PTPRM: variants seen among roughly 807,000 people sequenced by gnomAD.
PTPRM encodes the protein receptor-type tyrosine-protein phosphatase mu.
A neutral mutation model predicts 186.7 loss-of-function variants in PTPRM; 47 were observed. That is an observed-to-expected ratio of 0.25 (90% confidence interval 0.20 to 0.32). PTPRM has a LOEUF of 0.32. PTPRM is among the 10% of genes least tolerant of loss of function. PTPRM has a pLI of 1.00. For synonymous variants in PTPRM, 668 were observed against 674.9 expected (o/e 0.99, Z 0.16); for missense variants, 1,494 against 1,865.0 (o/e 0.80, Z 3.66).
intron 19 of PTPRM, among the ~76,000 whole-genome samples, chr18:8,262,998 G>A (rs2094650812): frequency 6.6e-6 from 1 of 152,184 alleles, no homozygotes; most frequent in Admixed American, 6.5e-5. Context: ...CAGAAAAACT[G>A]TATGGACCAA....
intron 19 of PTPRM, among the ~76,000 whole-genome samples, chr18:8,271,770 C>T (rs1351046113): frequency 2.0e-5 from 3 of 152,004 alleles, no homozygotes; most frequent in Admixed American, 1.3e-4. Context: ...TAGAGGCATA[C>T]ATTTCTTAAT....
chr18:7,842,861 C>CAT (rs57856136), intron 2 of PTPRM, among the ~76,000 whole-genome samples: 8,291 of 80,830 alleles, frequency 0.1, 896 homozygotes, highest in African/African-American at 0.28. Context: ...GAGAGAGAAA[C>CAT]ATATATATAT....
intron 14 of PTPRM, among the ~76,000 whole-genome samples, chr18:8,161,182 A>T (rs1481835242): frequency 6.6e-6 from 1 of 152,340 alleles, no homozygotes; most frequent in African/African-American, 2.4e-5. Flanking sequence ...GGAAGCTGTC[A>T]TGCAGGAGTG....
intron 7 of PTPRM, among the ~76,000 whole-genome samples, chr18:7,966,384 A>C (rs980720090): frequency 7.2e-5 from 11 of 152,208 alleles, no homozygotes; most frequent in Admixed American, 2.6e-4. Flanking sequence ...TTTCCTTCTT[A>C]TCCATCTGGA....
chr18:7,659,258 A>G (rs2038925407), intron 1 of PTPRM, among the ~76,000 whole-genome samples: 1 of 152,000 alleles, frequency 6.6e-6, no homozygotes, highest in Admixed American at 6.6e-5. Context: ...ATGTGAGTCC[A>G]TGAATTCAGG....
At chr18:7,864,423 A>C (rs1169955661) in intron 2 of PTPRM, among the ~76,000 whole-genome samples, 1 of 152,224 alleles carries the variant, frequency 6.6e-6, no homozygotes, top group Admixed American at 6.5e-5. Context: ...ATGGCTGGCC[A>C]GTTTCCCCAA....
intron 1 of PTPRM, among the ~76,000 whole-genome samples, chr18:7,664,485 T>C (rs1280376924): frequency 1.3e-5 from 2 of 152,196 alleles, no homozygotes; most frequent in Non-Finnish European, 1.5e-5. Context: ...CTGGAGGAGA[T>C]GCTTCCAGGT....
chr18:8,101,646 T>C (rs77205661), intron 11 of PTPRM, among the ~76,000 whole-genome samples: 3,820 of 152,308 alleles, frequency 0.025, 60 homozygotes, highest in Middle Eastern at 0.054. Context: ...ATTTCCCCAT[T>C]ACAGTTGAAA....
intron 1 of PTPRM, among the ~76,000 whole-genome samples, chr18:7,586,250 C>T (rs557183689): frequency 1.4e-4 from 22 of 152,174 alleles, no homozygotes; most frequent in South Asian, 4.2e-4. Context: ...TTTCAATATC[C>T]GGGATCTTTT....
At chr18:8,054,743 A>G (rs980831871) in intron 7 of PTPRM, among the ~76,000 whole-genome samples, 1 of 151,462 alleles carries the variant, frequency 6.6e-6, no homozygotes, top group Non-Finnish European at 1.5e-5. Context: ...TTTGCTCACC[A>G]TTTCTTCTAG....
chr18:7,631,754 C>A (rs904921602), intron 1 of PTPRM, among the ~76,000 whole-genome samples: 2 of 152,164 alleles, frequency 1.3e-5, no homozygotes, highest in Admixed American at 1.3e-4. Flanking sequence ...AAAGACCGGG[C>A]ACCCCTGGTC....
intron 14 of PTPRM, among the ~76,000 whole-genome samples, chr18:8,182,894 C>T (rs1310433361): frequency 1.3e-5 from 2 of 152,150 alleles, no homozygotes; most frequent in South Asian, 2.1e-4. Flanking sequence ...TGAGTGTGCA[C>T]GGGTATGCAT....
intron 1 of PTPRM, among the ~76,000 whole-genome samples, chr18:7,728,888 G>C (rs1175879343): frequency 6.6e-6 from 1 of 150,858 alleles, no homozygotes; most frequent in Non-Finnish European, 1.5e-5. Context: ...CAAGAATCTA[G>C]CTATTACTTT....
chr18:7,912,425 A>T (rs928189067), intron 4 of PTPRM, among the ~76,000 whole-genome samples: 1 of 152,180 alleles, frequency 6.6e-6, no homozygotes, highest in Non-Finnish European at 1.5e-5. Flanking sequence ...GATTACTGTA[A>T]CTTTTTAGTA....
At chr18:7,633,851 A>G (rs897124668) in intron 1 of PTPRM, among the ~76,000 whole-genome samples, 2 of 151,960 alleles carry the variant, frequency 1.3e-5, no homozygotes, top group Admixed American at 6.6e-5. Flanking sequence ...AGTATTTCCA[A>G]CCACCATCCC....
At chr18:8,090,567 T>C (rs1466421035) in intron 11 of PTPRM, among the ~76,000 whole-genome samples, 1 of 152,174 alleles carries the variant, frequency 6.6e-6, no homozygotes, top group African/African-American at 2.4e-5. Context: ...TTCGCATCTT[T>C]GTATAGATCT....
At chr18:8,272,412 A>T (rs2094783898) in intron 19 of PTPRM, among the ~76,000 whole-genome samples, 1 of 151,840 alleles carries the variant, frequency 6.6e-6, no homozygotes, top group Non-Finnish European at 1.5e-5. Flanking sequence ...TCAAATATAA[A>T]CATTGATTTG....
chr18:7,715,247 T>C (rs915393593), intron 1 of PTPRM, among the ~76,000 whole-genome samples: 1 of 152,056 alleles, frequency 6.6e-6, no homozygotes, highest in African/African-American at 2.4e-5. Context: ...ACAAAACCAA[T>C]GACAAAACCA....
In PTPRM at chr18:7,568,929, G is replaced by C. The variant is rs529124787; in HGVS notation, c.73+1038G>C. 6.6e-6 allele frequency among the ~76,000 whole-genome samples: 1 copy of C among 152,262 alleles called. No homozygotes were observed. The highest frequency in any genetic ancestry group is 2.1e-4 in the South Asian group (1 of 4,818). Reference sequence around the variant, plus strand: ...GGCCCATTTGCACACCTTCTTTCTAGTGTTTATTAGATTAGTTTCATTAAG... The same window carrying C: ...GGCCCATTTGCACACCTTCTTTCTACTGTTTATTAGATTAGTTTCATTAAG... On this transcript the variant is annotated intron_variant, in intron 1 of 32. Coordinates refer to ENST00000580170, the MANE Select transcript of PTPRM (RefSeq NM_001105244.2). This position sits in a 1 kb window ranked among gnomAD's most constrained non-coding sequence, Gnocchi z 5.1.
Sources: gnomAD v4.1 joint callset for allele counts (sites outside exome capture counted in the v4.1 genomes callset) on GRCh38, gnomAD v4.1.1 for gene constraint, Gnocchi (gnomAD v3.1) non-coding constraint, MANE v1.5 for transcripts, NCBI Gene and HGNC (gene_info 2026-07-23, HGNC 2026-07-21) for gene names.